The following RANBP2 variants were observed in gnomAD, a reference collection of about 807,000 sequenced individuals.
RANBP2 encodes RAN binding protein 2.
Under a neutral mutation model 303.6 loss-of-function variants are expected in RANBP2, and 57 were observed. The ratio of observed to expected loss-of-function variants is 0.19; its 90% CI spans 0.15 to 0.23. RANBP2 has a LOEUF of 0.23. Ranked by LOEUF, RANBP2 falls within the 10% of genes least tolerant of loss-of-function variation. The pLI, the probability that RANBP2 is intolerant of heterozygous loss-of-function variation, is 1.00. For synonymous variants in RANBP2, 1,167 were observed against 1,301.5 expected, an observed-to-expected ratio of 0.90 and a Z score of 2.23; for missense variants, 3,138 against 3,780.8, an observed-to-expected ratio of 0.83 and a Z score of 4.46.
At chr2:109,115,239 C>T in the RANBP2 span, among the ~76,000 whole-genome samples, 2 of 152,234 alleles carry the variant, frequency 1.3e-5, no homozygotes, top group African/African-American at 4.8e-5. Flanking sequence ...GTGTTAAAGT[C>T]TCCCATTATT....
chr2:109,100,834 A>G, the RANBP2 span, among the ~76,000 whole-genome samples: 4 of 152,234 alleles, frequency 2.6e-5, no homozygotes, highest in Admixed American at 6.5e-5. Flanking sequence ...GTAAGCACAA[A>G]GTAAGGCTGC....
chr2:109,600,768 C>T, the RANBP2 span, among the ~76,000 whole-genome samples: 49 of 152,228 alleles, frequency 3.2e-4, no homozygotes, highest in Admixed American at 1.3e-4. Flanking sequence ...CCCACTCCAC[C>T]TCTGCTCATC....
the RANBP2 span, among the ~76,000 whole-genome samples, chr2:109,652,821 TG>T: frequency 7.7e-4 from 118 of 152,302 alleles, no homozygotes; most frequent in African/African-American, 2.7e-3. Context: ...AACACAGAGA[TG>T]TTTCGCGTTC....
intron 28 of RANBP2, among the ~76,000 whole-genome samples, chr2:108,783,214 G>A (rs371990447): frequency 3.3e-5 from 5 of 151,232 alleles, no homozygotes; most frequent in African/African-American, 9.7e-5. Flanking sequence ...GGTGGTGTGC[G>A]TCTGTGATCC....
At chr2:109,639,244 G>A in the RANBP2 span, among the ~76,000 whole-genome samples, 1 of 152,206 alleles carries the variant, frequency 6.6e-6, no homozygotes, top group African/African-American at 2.4e-5. Context: ...CTCTACCTCA[G>A]TAGATATTGT....
chr2:108,978,494 T>C, the RANBP2 span, among the ~76,000 whole-genome samples: 150 of 152,328 alleles, frequency 9.8e-4, no homozygotes, highest in African/African-American at 3.4e-3. Context: ...TTCTAGAGGG[T>C]AGAGCTCCGA....
At chr2:108,760,392 C>T (rs2557906) in intron 18 of RANBP2, among the ~76,000 whole-genome samples, 29 of 152,068 alleles carry the variant, frequency 1.9e-4, no homozygotes, top group Non-Finnish European at 2.6e-4. Context: ...GTTTTTTGAA[C>T]ATTAATGAGT....
chr2:109,056,135 G>A, the RANBP2 span, among the ~76,000 whole-genome samples: 1 of 151,906 alleles, frequency 6.6e-6, no homozygotes, highest in South Asian at 2.1e-4. Flanking sequence ...TAAAACAGGG[G>A]CTTTGGGTTC....
At chr2:109,651,451 G>C in the RANBP2 span, among the ~76,000 whole-genome samples, 1 of 152,332 alleles carries the variant, frequency 6.6e-6, no homozygotes, top group East Asian at 1.9e-4. Flanking sequence ...CCATACAAGA[G>C]GAGAATGAAA....
chr2:109,445,025 G>A, the RANBP2 span, among the ~76,000 whole-genome samples: 4 of 152,106 alleles, frequency 2.6e-5, no homozygotes, highest in Non-Finnish European at 5.9e-5. Flanking sequence ...TTGAAATTTT[G>A]GAGAGGAAAA....
the RANBP2 span, among the ~76,000 whole-genome samples, chr2:109,107,327 C>T: frequency 6.6e-6 from 1 of 151,808 alleles, no homozygotes; most frequent in Non-Finnish European, 1.5e-5. Context: ...AAGTACAGGT[C>T]CAGATGTAGT....
the RANBP2 span, among the ~76,000 whole-genome samples, chr2:109,102,825 GC>G: frequency 6.6e-6 from 1 of 152,128 alleles, no homozygotes; most frequent in Non-Finnish European, 1.5e-5. Context: ...AATAATGGGA[GC>G]TACTTAAGTA....
chr2:109,521,958 C>T, the RANBP2 span, among the ~76,000 whole-genome samples: 6,135 of 152,216 alleles, frequency 0.04, 381 homozygotes, highest in African/African-American at 0.14. Context: ...GCTGATCAGC[C>T]GGGCTCCCAG....
At chr2:109,567,139 T>C in the RANBP2 span, among the ~76,000 whole-genome samples, 2 of 152,116 alleles carry the variant, frequency 1.3e-5, no homozygotes, top group African/African-American at 4.8e-5. Flanking sequence ...TTAACAAAGG[T>C]GACATCATTT....
At chr2:109,614,727 A>C in the RANBP2 span, 3 of 1,489,980 alleles carry the variant, frequency 2.0e-6, no homozygotes, top group African/African-American at 1.5e-5. Context: ...CGTGCACCTC[A>C]AGAAGAGGTT....
At chr2:109,325,619 C>T in the RANBP2 span, among the ~76,000 whole-genome samples, 1 of 152,154 alleles carries the variant, frequency 6.6e-6, no homozygotes, top group South Asian at 2.1e-4. Flanking sequence ...AGAACTCACT[C>T]ACCACTTCCC....
the RANBP2 span, among the ~76,000 whole-genome samples, chr2:109,065,286 A>AT: frequency 6.6e-6 from 1 of 152,198 alleles, no homozygotes; most frequent in Non-Finnish European, 1.5e-5. Context: ...TATTTAAGTC[A>AT]TTAGTGCACT....
the RANBP2 span, among the ~76,000 whole-genome samples, chr2:108,956,477 C>A: frequency 3.3e-5 from 5 of 152,188 alleles, no homozygotes; most frequent in Non-Finnish European, 5.9e-5. Flanking sequence ...GAGTCTCTCA[C>A]GTCAGCAGGT....
the RANBP2 span, among the ~76,000 whole-genome samples, chr2:109,286,510 G>A: frequency 6.6e-6 from 1 of 152,184 alleles, no homozygotes; most frequent in Non-Finnish European, 1.5e-5. Flanking sequence ...TATCACCTGG[G>A]TGCAGAAGAC....
Sources: allele counts gnomAD v4.1 joint callset (sites outside exome capture counted in the v4.1 genomes callset), GRCh38; gene constraint gnomAD v4.1.1; transcripts MANE v1.5; gene names NCBI Gene and HGNC (gene_info 2026-07-23, HGNC 2026-07-21).